Variants in CSMD1 observed in about 807,000 individuals in gnomAD.
CSMD1 encodes the protein CUB and Sushi multiple domains 1, also known as CUB and sushi domain-containing protein 1.
In CSMD1, 213 loss-of-function variants were observed where a neutral mutation model predicts 417.5. The observed-to-expected ratio is 0.51, with a 90% CI of 0.46 to 0.57. The LOEUF (loss-of-function observed/expected upper bound fraction) is 0.57, where lower values mean the gene tolerates loss of function less well. Among genes scored for constraint, CSMD1 ranks in the 20% least tolerant of loss-of-function variants. The probability of loss-of-function intolerance (pLI) is 0.00; values close to 1 mark genes in which losing one functional copy is unlikely to be tolerated. For synonymous variants in CSMD1, 2,862 were observed against 1,736.8 expected (o/e 1.65, Z -16.11); for missense variants, 6,923 against 4,529.7 (o/e 1.53, Z -15.17).
At chr8:4,036,045 A>C (rs1797599514) in intron 3 of CSMD1, among the ~76,000 whole-genome samples, 1 of 152,102 alleles carries the variant, frequency 6.6e-6, no homozygotes, top group African/African-American at 2.4e-5. Context: ...TATACTGACC[A>C]TTATGTTATA....
At chr8:3,036,759 C>T (rs1167294967) in intron 50 of CSMD1, among the ~76,000 whole-genome samples, 1 of 152,130 alleles carries the variant, frequency 6.6e-6, no homozygotes, top group East Asian at 1.9e-4. Flanking sequence ...CAACAATCCT[C>T]TCTTAAAAAA....
chr8:4,256,959 C>T (rs987562169), intron 3 of CSMD1, among the ~76,000 whole-genome samples: 8 of 152,198 alleles, frequency 5.3e-5, no homozygotes, highest in Admixed American at 3.9e-4. Flanking sequence ...GACCTCTAAT[C>T]ACAGGCTGGA....
Position 3,701,911 on chromosome 8 carries a change from T to C in CSMD1, c.1009+6503A>G, listed in dbSNP as rs115185787. On this transcript the variant is annotated intron_variant, in intron 7 of 69. Transcript: ENST00000635120. ...GAAGGACAAGAGTCCATCAGTTGCT[T>C]TTCATTAACTGAACTGTCTCTTTGG... 1.5e-3 allele frequency among the ~76,000 whole-genome samples: 228 copies of C among 152,300 alleles called. 2 individuals are homozygous for C. The highest frequency in any genetic ancestry group is 5.3e-3 in the African/African-American group (220 of 41,580).
intron 3 of CSMD1, among the ~76,000 whole-genome samples, chr8:4,174,989 G>A (rs1267060051): frequency 6.6e-6 from 1 of 151,528 alleles, no homozygotes; most frequent in East Asian, 2.0e-4. Flanking sequence ...GATACTTGCT[G>A]AATTGGAATC....
chr8:3,518,769 T>G (rs1054974952), intron 10 of CSMD1, among the ~76,000 whole-genome samples: 1 of 151,086 alleles, frequency 6.6e-6, no homozygotes, highest in African/African-American at 2.5e-5. Context: ...CATGCTCTGT[T>G]TGTTAGAATT....
At chr8:2,942,175 G>A (rs1236371463) in intron 69 of CSMD1, among the ~76,000 whole-genome samples, 1 of 151,994 alleles carries the variant, frequency 6.6e-6, no homozygotes, top group Non-Finnish European at 1.5e-5. Flanking sequence ...GGGCCTGTGG[G>A]GGGCTGGAGG....
chr8:2,940,976 G>A (rs1801831384), intron 69 of CSMD1, among the ~76,000 whole-genome samples: 1 of 152,176 alleles, frequency 6.6e-6, no homozygotes, highest in Non-Finnish European at 1.5e-5. Flanking sequence ...AAGAAGAGAA[G>A]CTCATCTGAT....
intron 7 of CSMD1, among the ~76,000 whole-genome samples, chr8:3,657,962 T>C (rs1467858226): frequency 6.6e-6 from 1 of 152,224 alleles, no homozygotes; most frequent in Non-Finnish European, 1.5e-5. Context: ...TGTTGATTAA[T>C]GGTAAATACA....
intron 18 of CSMD1, among the ~76,000 whole-genome samples, chr8:3,383,556 T>A (rs2116785844): frequency 6.6e-6 from 1 of 152,292 alleles, no homozygotes; most frequent in East Asian, 1.9e-4. Flanking sequence ...CATGCACGAA[T>A]GAAAACAGTG....
In CSMD1 at chr8:3,981,419, C is replaced by T. The variant is rs563569461; in HGVS notation, c.818+16484G>A. Among the ~76,000 whole-genome samples, 3 of 149,152 alleles carry T rather than the reference C, an allele frequency of 2.0e-5. No homozygotes were observed. The South Asian group carries it at 6.3e-4, about 32-fold the overall frequency. ...GTATACTGCTTAGGTGATGGGTGCA[C>T]CAGGATCTCACAAATCACCGCTAAA... On this transcript the variant is annotated intron_variant, in intron 5 of 69. Coordinates refer to ENST00000635120, the MANE Select transcript of CSMD1 (RefSeq NM_033225.6).
intron 2 of CSMD1, among the ~76,000 whole-genome samples, chr8:4,560,238 T>G (rs1161939810): frequency 6.6e-6 from 1 of 152,260 alleles, no homozygotes; most frequent in Non-Finnish European, 1.5e-5. Context: ...TTTGCTCATT[T>G]CCTGCCAAAG....
intron 5 of CSMD1, among the ~76,000 whole-genome samples, chr8:3,817,259 T>C (rs1801434253): frequency 4.9e-5 from 1 of 20,514 alleles, no homozygotes; most frequent in African/African-American, 4.3e-4. Flanking sequence ...CTTCTTTTTT[T>C]TTTTTTTTTT....
intron 50 of CSMD1, among the ~76,000 whole-genome samples, chr8:3,042,098 T>C (rs939061229): frequency 6.6e-6 from 1 of 152,110 alleles, no homozygotes; most frequent in Admixed American, 6.5e-5. Flanking sequence ...GCCAACTCTG[T>C]TCCCAAGCCA....
intron 2 of CSMD1, among the ~76,000 whole-genome samples, chr8:4,579,430 C>G (rs1032799510): frequency 1.2e-4 from 18 of 152,116 alleles, no homozygotes; most frequent in Middle Eastern, 6.8e-3. Flanking sequence ...GTGATCTCAG[C>G]TCAGTGCAAC....
In CSMD1 at chr8:3,538,533, C is replaced by G. The variant is rs372594683; in HGVS notation, c.1344+36412G>C. Among the ~76,000 whole-genome samples the G allele has an allele frequency of 2.0e-5, 3 of 151,830 alleles. No individual in the cohort carries two copies. In the South Asian group the frequency reaches 6.2e-4, roughly 31 times the overall value. On this transcript the variant is annotated intron_variant, in intron 10 of 69. Transcript: ENST00000635120. ...CTGAGATGCCCCACCTGCGATGCCTCGCCTGCGATGCCGCACTTGAGCTGG... is the reference window on the plus strand; with the variant it reads ...CTGAGATGCCCCACCTGCGATGCCTGGCCTGCGATGCCGCACTTGAGCTGG...
intron 1 of CSMD1, among the ~76,000 whole-genome samples, chr8:4,960,138 C>G (rs997404242): frequency 1.3e-5 from 2 of 152,072 alleles, no homozygotes; most frequent in African/African-American, 4.8e-5. Context: ...CTCATTACTT[C>G]TGAAATGTAC....
intron 1 of CSMD1, among the ~76,000 whole-genome samples, chr8:4,949,246 C>G (rs752992128): frequency 9.9e-5 from 15 of 152,102 alleles, no homozygotes; most frequent in Admixed American, 3.3e-4. Context: ...TTGCACCTAT[C>G]TTCATAAATG....
In CSMD1 at chr8:4,680,439, G is replaced by A. The variant is rs182946108; in HGVS notation, c.86-42881C>T. Among the ~76,000 whole-genome samples, 391 of 152,246 alleles carry A rather than the reference G, an allele frequency of 2.6e-3. 5 individuals carry two copies. The highest frequency in any genetic ancestry group is 9.1e-3 in the African/African-American group (380 of 41,538). Reference sequence around the variant, plus strand: ...ACCCTTTGAAACTACATTGAGTGACGTACCATGTTCTCATCATCGTACCTT... The same window carrying A: ...ACCCTTTGAAACTACATTGAGTGACATACCATGTTCTCATCATCGTACCTT... On this transcript the variant is annotated intron_variant, in intron 1 of 69. Transcript: ENST00000635120.
intron 2 of CSMD1, among the ~76,000 whole-genome samples, chr8:4,503,383 CT>C (rs1384969941): frequency 2.0e-5 from 3 of 152,132 alleles, no homozygotes; most frequent in Non-Finnish European, 2.9e-5. Context: ...TTTTGCTCAA[CT>C]GTTTTGAATG....
Sources: allele counts gnomAD v4.1 joint callset (sites outside exome capture counted in the v4.1 genomes callset), GRCh38; gene constraint gnomAD v4.1.1; transcripts MANE v1.5; gene names NCBI Gene and HGNC (gene_info 2026-07-23, HGNC 2026-07-21).